Variants in SPATA31H1 observed in about 807,000 individuals in gnomAD.
The protein encoded by SPATA31H1 is SPATA31 subfamily H member 1, also known as spermatogenesis-associated protein 31H1.
chr2:27,576,901 G>C, the SPATA31H1 span: 43 of 1,614,086 alleles, frequency 2.7e-5, no homozygotes, highest in Non-Finnish European at 3.6e-5. Context: ...CAAACTCCAA[G>C]AACAAATTAT....
the SPATA31H1 span, among the ~76,000 whole-genome samples, chr2:27,560,206 T>C: frequency 6.6e-5 from 10 of 152,186 alleles, no homozygotes; most frequent in Non-Finnish European, 4.4e-5. Flanking sequence ...TGTTTTCTAA[T>C]CTACCTCTGA....
chr2:27,562,706 G>C, the SPATA31H1 span, among the ~76,000 whole-genome samples: 1 of 151,502 alleles, frequency 6.6e-6, no homozygotes, highest in East Asian at 1.9e-4. Context: ...GCTTGGCATG[G>C]TGAAACCCCA....
At chr2:27,545,653 C>G in the SPATA31H1 span, among the ~76,000 whole-genome samples, 1 of 150,820 alleles carries the variant, frequency 6.6e-6, no homozygotes, top group Non-Finnish European at 1.5e-5. Context: ...TTGGTTCACG[C>G]AACCTCTGCC....
chr2:27,554,992 A>G, the SPATA31H1 span, among the ~76,000 whole-genome samples: 2 of 152,004 alleles, frequency 1.3e-5, no homozygotes, highest in African/African-American at 4.8e-5. Context: ...GGATTTCAAC[A>G]TATGAATTTT....
the SPATA31H1 span, among the ~76,000 whole-genome samples, chr2:27,552,370 CTT>C: frequency 6.6e-6 from 1 of 151,796 alleles, no homozygotes; most frequent in Non-Finnish European, 1.5e-5. Flanking sequence ...ATCTAATGGT[CTT>C]GTTACCCTTA....
chr2:27,551,357 C>G, the SPATA31H1 span, among the ~76,000 whole-genome samples: 13 of 152,140 alleles, frequency 8.5e-5, no homozygotes, highest in Admixed American at 6.5e-4. Flanking sequence ...AGTAATTTCT[C>G]TTTTTCACCT....
At chr2:27,576,597 C>T in the SPATA31H1 span, 2 of 1,589,084 alleles carry the variant, frequency 1.3e-6, no homozygotes, top group Non-Finnish European at 1.7e-6. Context: ...AGGGGCCCAA[C>T]AGCAAGGTAT....
the SPATA31H1 span, chr2:27,580,721 T>G: frequency 1.9e-6 from 3 of 1,614,130 alleles, no homozygotes; most frequent in Non-Finnish European, 1.7e-6. Flanking sequence ...GGCCAGACAA[T>G]TTGTGGGCAA....
the SPATA31H1 span, among the ~76,000 whole-genome samples, chr2:27,539,532 G>T: frequency 8.3e-6 from 1 of 120,268 alleles, no homozygotes; most frequent in African/African-American, 3.4e-5. Flanking sequence ...ACACAGACCC[G>T]GCAACCATCC....
At chr2:27,550,410 A>ATT in the SPATA31H1 span, among the ~76,000 whole-genome samples, 6 of 144,516 alleles carry the variant, frequency 4.2e-5, no homozygotes, top group East Asian at 2.0e-4. Context: ...ATGGGTGTTA[A>ATT]ATTTTTTTTT....
At chr2:27,559,503 T>G in the SPATA31H1 span, among the ~76,000 whole-genome samples, 3 of 152,224 alleles carry the variant, frequency 2.0e-5, no homozygotes, top group African/African-American at 7.2e-5. Context: ...TTTAAATGGA[T>G]ATTTTAAAAC....
At chr2:27,545,596 G>A in the SPATA31H1 span, among the ~76,000 whole-genome samples, 1 of 132,300 alleles carries the variant, frequency 7.6e-6, no homozygotes, top group Non-Finnish European at 1.6e-5. Flanking sequence ...TTTTTTTTGA[G>A]ACGGAGTCTT....
the SPATA31H1 span, among the ~76,000 whole-genome samples, chr2:27,563,416 C>T: frequency 9.5e-5 from 5 of 52,650 alleles, no homozygotes; most frequent in Admixed American, 1.8e-3. Flanking sequence ...TTTTTTGAGA[C>T]AGGGTCTTAC....
the SPATA31H1 span, among the ~76,000 whole-genome samples, chr2:27,540,235 A>C: frequency 3.3e-5 from 2 of 61,202 alleles, no homozygotes; most frequent in African/African-American, 6.4e-5. Flanking sequence ...GGCGCCCCTC[A>C]CCTCCCGGAC....
the SPATA31H1 span, among the ~76,000 whole-genome samples, chr2:27,560,944 A>T: frequency 3.3e-5 from 5 of 152,252 alleles, no homozygotes; most frequent in East Asian, 9.7e-4. Flanking sequence ...TGGAATTCTC[A>T]GTGTGAAGGC....
the SPATA31H1 span, among the ~76,000 whole-genome samples, chr2:27,544,520 T>C: frequency 6.7e-6 from 1 of 150,034 alleles, no homozygotes; most frequent in Admixed American, 7.0e-5. Flanking sequence ...ATTCATCTTG[T>C]TGACAACAAT....
the SPATA31H1 span, chr2:27,568,174 T>C: frequency 5.0e-6 from 2 of 398,968 alleles, no homozygotes; most frequent in African/African-American, 4.1e-5. Context: ...ATAGAATCAG[T>C]GGGAATGACT....
At chr2:27,561,103 G>C in the SPATA31H1 span, among the ~76,000 whole-genome samples, 4 of 152,138 alleles carry the variant, frequency 2.6e-5, no homozygotes, top group African/African-American at 9.7e-5. Context: ...GACCAAGAAG[G>C]GTGGATCACT....
the SPATA31H1 span, chr2:27,565,312 CT>C: frequency 7.0e-6 from 5 of 715,510 alleles, no homozygotes; most frequent in Non-Finnish European, 1.3e-5. Context: ...ATCTGATTTT[CT>C]TTTTTCTTTT....
Sources: gnomAD v4.1 joint callset for allele counts (sites outside exome capture counted in the v4.1 genomes callset) on GRCh38, gnomAD v4.1.1 for gene constraint, MANE v1.5 for transcripts, NCBI Gene and HGNC (gene_info 2026-07-23, HGNC 2026-07-21) for gene names.